The following AFAP1 variants were observed in gnomAD, a reference collection of about 807,000 sequenced individuals.
AFAP1 encodes actin filament associated protein 1.
Under a neutral mutation model 93.9 loss-of-function variants are expected in AFAP1, and 75 were observed. That is an observed-to-expected ratio of 0.80 (90% CI 0.66 to 0.97). The LOEUF is 0.97. Ranked by LOEUF, AFAP1 falls within the 50% of genes least tolerant of loss-of-function variation. The pLI is 0.00. For missense variants in AFAP1, 1,201 were observed against 1,050.8 expected (o/e 1.14, Z -1.98); for synonymous variants, 517 against 430.7 (o/e 1.20, Z -2.48).
chr4:7,770,436 C>T (rs951667605), intron 16 of AFAP1, among the ~76,000 whole-genome samples: 1 of 152,132 alleles, frequency 6.6e-6, no homozygotes, highest in Admixed American at 6.5e-5. Context: ...AAGCCACATC[C>T]AGAAAGTGAA....
intron 9 of AFAP1, among the ~76,000 whole-genome samples, chr4:7,805,680 G>A (rs1301239301): frequency 2.0e-5 from 3 of 152,214 alleles, no homozygotes; most frequent in South Asian, 2.1e-4. Context: ...AGGAATGCAT[G>A]GCATTCAACA....
At chr4:7,764,128 T>C (rs1388046549) in intron 17 of AFAP1, among the ~76,000 whole-genome samples, 1 of 152,188 alleles carries the variant, frequency 6.6e-6, no homozygotes, top group Non-Finnish European at 1.5e-5. Context: ...AGGAAGGGCC[T>C]TCTGACACAC....
chr4:7,938,292 C>A (rs1299428539), intron 1 of AFAP1, among the ~76,000 whole-genome samples: 1 of 152,176 alleles, frequency 6.6e-6, no homozygotes, highest in East Asian at 1.9e-4. Context: ...TACTTAAACA[C>A]CATCTCTTGT....
At chr4:7,810,175 TTTAC>T (rs1428428805) in intron 8 of AFAP1, among the ~76,000 whole-genome samples, 1 of 152,190 alleles carries the variant, frequency 6.6e-6, no homozygotes, top group African/African-American at 2.4e-5. Context: ...TCCCTCAACT[TTTAC>T]TTAATGAGCA....
chr4:7,851,488 G>T (rs187268492), intron 4 of AFAP1, among the ~76,000 whole-genome samples: 1 of 152,314 alleles, frequency 6.6e-6, no homozygotes, highest in East Asian at 1.9e-4. Context: ...GTCTGCAGAA[G>T]ATGCTGTCAA....
chr4:7,784,429 C>T (rs1242739813), intron 12 of AFAP1, among the ~76,000 whole-genome samples: 1 of 152,142 alleles, frequency 6.6e-6, no homozygotes, highest in Non-Finnish European at 1.5e-5. Context: ...GACTCAAAGG[C>T]CCTTTCAGGA....
intron 1 of AFAP1, among the ~76,000 whole-genome samples, chr4:7,904,276 A>C (rs1719277376): frequency 6.6e-6 from 1 of 152,016 alleles, no homozygotes; most frequent in African/African-American, 2.4e-5. Context: ...GCGTTTAAAG[A>C]AACAAGCGGA....
At chr4:7,838,407 T>C (rs1577274923) in intron 6 of AFAP1, 117 bp downstream of exon 6, 2 of 1,223,498 alleles carry the variant, frequency 1.6e-6, no homozygotes, top group Admixed American at 3.0e-5. Context: ...ACAAAACTCT[T>C]TGGGTGAATC....
At chr4:7,884,008 A>G (rs960158365) in intron 1 of AFAP1, among the ~76,000 whole-genome samples, 7 of 152,072 alleles carry the variant, frequency 4.6e-5, no homozygotes, top group Non-Finnish European at 8.8e-5. Context: ...GGCTGGTGGG[A>G]GGTGTTGGGT....
At chr4:7,806,331 C>A (rs1216211800) in intron 9 of AFAP1, among the ~76,000 whole-genome samples, 1 of 152,236 alleles carries the variant, frequency 6.6e-6, no homozygotes, top group Non-Finnish European at 1.5e-5. Flanking sequence ...TTCCAGCCGG[C>A]AAGCACCTGC....
chr4:7,931,263 G>C (rs1721048528), intron 1 of AFAP1, among the ~76,000 whole-genome samples: 1 of 152,158 alleles, frequency 6.6e-6, no homozygotes, highest in African/African-American at 2.4e-5. Flanking sequence ...GCTGGGTTTT[G>C]TTCTAAGCCT....
At chr4:7,863,385 C>T (rs1715971616) in intron 3 of AFAP1, among the ~76,000 whole-genome samples, 2 of 152,140 alleles carry the variant, frequency 1.3e-5, no homozygotes, top group Admixed American at 1.3e-4. Flanking sequence ...TGCCACTGCA[C>T]TCCAGCCTGG....
In AFAP1 at chr4:7,800,548, A is replaced by C; in HGVS notation, c.1160T>G (p.Ile387Ser). The C allele has an allele frequency of 6.2e-7, 1 of 1,614,186 alleles. No homozygotes were observed. The highest frequency in any genetic ancestry group is 1.1e-5 in the South Asian group (1 of 91,074). The change falls in exon 10 of 18, where the codon ATT becomes AGT. Residue 387 changes from isoleucine (I) to serine (S), a missense_variant. Coordinates refer to ENST00000420658, the MANE Select transcript of AFAP1 (RefSeq NM_001134647.2). ...HKDRTDLKTHIVSIPLRGCEV... is the reference protein window; with the variant it reads ...HKDRTDLKTHSVSIPLRGCEV... ...GCAGCCACGGAGCGGAATAGACACA[A>C]TATGGGTCTTCAGGTCGGTCCTGTC...
chr4:7,760,232 AT>A lies in AFAP1; in HGVS notation c.*3532del, dbSNP rs1265025842. 1.3e-5 allele frequency: 2 copies of A among 152,222 alleles called. No individual in the cohort carries two copies. The highest frequency in any genetic ancestry group is 6.5e-5 in the Admixed American group (1 of 15,282). 9.4% of individuals were successfully genotyped at this position (152,222 alleles called of 1,614,324 possible). A position where few individuals can be genotyped will look rare whatever the true frequency, so the allele number is the denominator to read the frequency against. ...CTTTTCAAAAGGAGTAAATCTCCAC[AT>A]TTTAGGGTAGTTTTTGTCTATTTAG... On this transcript the variant is annotated 3_prime_UTR_variant, in exon 18 of 18. Transcript: ENST00000420658.
intron 6 of AFAP1, among the ~76,000 whole-genome samples, chr4:7,828,864 G>T (rs189802982): frequency 3.3e-5 from 5 of 152,180 alleles, no homozygotes; most frequent in African/African-American, 7.2e-5. Context: ...TACCTATACC[G>T]TCTGAAATGG....
At chr4:7,889,704 T>TTTTTA (rs1553852349) in intron 1 of AFAP1, among the ~76,000 whole-genome samples, 1 of 144,640 alleles carries the variant, frequency 6.9e-6, no homozygotes, top group African/African-American at 2.6e-5. Flanking sequence ...TTTTTTTTTT[T>TTTTTA]AAAAAAAGAA....
At chr4:7,795,104 T>G (rs1718272200) in intron 10 of AFAP1, among the ~76,000 whole-genome samples, 1 of 152,216 alleles carries the variant, frequency 6.6e-6, no homozygotes, top group Non-Finnish European at 1.5e-5. Context: ...TAAGTAATTG[T>G]AAATATTCCA....
chr4:7,838,220 A>C (rs534689277), intron 6 of AFAP1, among the ~76,000 whole-genome samples: 1 of 152,324 alleles, frequency 6.6e-6, no homozygotes, highest in South Asian at 2.1e-4. Flanking sequence ...TCCCAACCAG[A>C]ATAAAATTTA....
intron 8 of AFAP1, among the ~76,000 whole-genome samples, chr4:7,810,591 G>C (rs891999939): frequency 6.6e-6 from 1 of 152,216 alleles, no homozygotes; most frequent in Non-Finnish European, 1.5e-5. Flanking sequence ...TCTCAGACCA[G>C]GGGCCTGCCT....
Sources: gnomAD v4.1 joint callset for allele counts (sites outside exome capture counted in the v4.1 genomes callset) on GRCh38, gnomAD v4.1.1 for gene constraint, MANE v1.5 for transcripts, NCBI Gene and HGNC (gene_info 2026-07-23, HGNC 2026-07-21) for gene names.